Variants in EIF2AK3 observed in about 807,000 individuals in gnomAD.
EIF2AK3 encodes the protein eukaryotic translation initiation factor 2 alpha kinase 3.
Under a neutral mutation model 113.5 loss-of-function variants are expected in EIF2AK3, and 50 were observed. The observed-to-expected ratio is 0.44, with a 90% CI of 0.35 to 0.56. The LOEUF is 0.56. Among genes scored for constraint, EIF2AK3 ranks in the 20% least tolerant of loss-of-function variants. The pLI is 0.00. For missense variants in EIF2AK3, 1,185 were observed against 1,378.0 expected, an observed-to-expected ratio of 0.86 and a Z score of 2.22; for synonymous variants, 448 against 495.4, an observed-to-expected ratio of 0.90 and a Z score of 1.27.
chr2:88,594,815 T>C (rs1192398946), intron 3 of EIF2AK3, among the ~76,000 whole-genome samples: 2 of 137,076 alleles, frequency 1.5e-5, no homozygotes, highest in Non-Finnish European at 3.1e-5. Flanking sequence ...ATAAGGTTCT[T>C]CATCTGTCAA....
intron 2 of EIF2AK3, among the ~76,000 whole-genome samples, chr2:88,608,094 T>C (rs1401992241): frequency 6.6e-6 from 1 of 152,106 alleles, no homozygotes; most frequent in Non-Finnish European, 1.5e-5. Context: ...CAAAAGTACA[T>C]GGGATCCATA....
chr2:88,569,046 A>G (rs1461392997), intron 14 of EIF2AK3, among the ~76,000 whole-genome samples: 1 of 152,156 alleles, frequency 6.6e-6, no homozygotes, highest in African/African-American at 2.4e-5. Flanking sequence ...ATGCGTTACT[A>G]TGCCCAGCTA....
chr2:88,585,995 C>A lies in EIF2AK3; in HGVS notation c.1496G>T (p.Arg499Ile). 2 of 1,614,126 alleles carry A rather than the reference C, an allele frequency of 1.2e-6. No individual in the cohort carries two copies. The highest frequency in any genetic ancestry group is 1.7e-6 in the Non-Finnish European group (2 of 1,179,992). ...RNKRSTQITVRFLDNPHYNKN... is the reference protein window; with the variant it reads ...RNKRSTQITVIFLDNPHYNKN... ...GTTGTAATGTGGGTTGTCGAGGAAT[C>A]TGACTGTAATCTGTGTGCTTCGTTT... The change falls in exon 9 of 17, where the codon AGA becomes ATA. Residue 499 changes from arginine (R) to isoleucine (I), a missense_variant. Arg to Ile is a moderately conservative substitution (Grantham distance 97). Coordinates refer to ENST00000303236, the MANE Select transcript of EIF2AK3 (RefSeq NM_004836.7).
intron 3 of EIF2AK3, among the ~76,000 whole-genome samples, chr2:88,594,573 T>G (rs1558656508): frequency 6.6e-6 from 1 of 152,146 alleles, no homozygotes; most frequent in Non-Finnish European, 1.5e-5. Context: ...ATATTATGAT[T>G]ATATCCTAAG....
At chr2:88,566,282 AC>A (rs1156795557) in intron 14 of EIF2AK3, among the ~76,000 whole-genome samples, 1 of 152,162 alleles carries the variant, frequency 6.6e-6, no homozygotes, top group Non-Finnish European at 1.5e-5. Flanking sequence ...TATAGATTTC[AC>A]TATTTTTCAT....
At chr2:88,610,744 T>C (rs1405153808) in intron 2 of EIF2AK3, among the ~76,000 whole-genome samples, 1 of 150,950 alleles carries the variant, frequency 6.6e-6, no homozygotes, top group East Asian at 1.9e-4. Flanking sequence ...ATTTCTTTAA[T>C]AAAATACATG....
intron 8 of EIF2AK3, among the ~76,000 whole-genome samples, chr2:88,587,390 G>A (rs1020833063): frequency 7.2e-5 from 11 of 151,756 alleles, no homozygotes; most frequent in Admixed American, 3.3e-4. Flanking sequence ...CTGTTTAAAA[G>A]GCTTTCATAT....
chr2:88,605,838 G>A (rs909414632), intron 2 of EIF2AK3, among the ~76,000 whole-genome samples: 5 of 151,986 alleles, frequency 3.3e-5, no homozygotes, highest in African/African-American at 1.2e-4. Flanking sequence ...AAACATTGGG[G>A]AAAGTAAAAG....
chr2:88,562,425 C>T (rs1461624618), intron 14 of EIF2AK3, 35 bp from the exon 15 acceptor site: 1 of 1,538,632 alleles, frequency 6.5e-7, no homozygotes, highest in Non-Finnish European at 9.0e-7. Flanking sequence ...TAAAAATTAA[C>T]ACAGAGACAG....
chr2:88,570,180 G>A (rs1439029682), intron 14 of EIF2AK3, among the ~76,000 whole-genome samples: 1 of 151,990 alleles, frequency 6.6e-6, no homozygotes, highest in South Asian at 2.1e-4. Context: ...AACAAATATC[G>A]ATAGATAAAA....
At chr2:88,615,253 G>A (rs1018798232) in intron 1 of EIF2AK3, among the ~76,000 whole-genome samples, 3 of 152,146 alleles carry the variant, frequency 2.0e-5, no homozygotes, top group Non-Finnish European at 4.4e-5. Flanking sequence ...TCCCCCTTAC[G>A]CATTCGTGAG....
At chr2:88,585,773 T>C in intron 9 of EIF2AK3, 68 bp downstream of exon 9, 1 of 1,492,034 alleles carries the variant, frequency 6.7e-7, no homozygotes, top group South Asian at 1.2e-5. Flanking sequence ...AGCCAGACTG[T>C]GATGGGTTGA....
intron 1 of EIF2AK3, among the ~76,000 whole-genome samples, chr2:88,615,220 C>T (rs1675540950): frequency 6.6e-6 from 1 of 152,254 alleles, no homozygotes; most frequent in Non-Finnish European, 1.5e-5. Context: ...CTACCGCCAA[C>T]ACCTCCACTT....
upstream of EIF2AK3, chr2:88,627,613 AT>A: frequency 3.7e-6 from 1 of 269,048 alleles, no homozygotes; most frequent in East Asian, 6.9e-5. Flanking sequence ...TCAAATCGTA[AT>A]TTCGTCGTTC....
chr2:88,570,116 GTTAT>G (rs897284907), intron 14 of EIF2AK3, among the ~76,000 whole-genome samples: 17 of 151,644 alleles, frequency 1.1e-4, no homozygotes, highest in Admixed American at 8.5e-4. Flanking sequence ...AGGTTTCATT[GTTAT>G]TTAGTTGATT....
chr2:88,590,381 A>G, intron 6 of EIF2AK3, 62 bp downstream of exon 6: 11 of 1,566,030 alleles, frequency 7.0e-6, no homozygotes, highest in Non-Finnish European at 6.1e-6. Flanking sequence ...AGGAAGGAAC[A>G]ATGTAAGAAG....
chr2:88,576,664 G>A lies in EIF2AK3; in HGVS notation c.1926C>T (p.Ala642=). ...TGCCCGGGTGTTCAAGCTTGGCTAAGGCTTTAACTTCTCGCATTACCTTTT... is the reference window on the plus strand; with the variant it reads ...TGCCCGGGTGTTCAAGCTTGGCTAAAGCTTTAACTTCTCGCATTACCTTTT... ...AREKVMREVK[A]LAKLEHPGIV... Residue 642 remains alanine (A), a synonymous_variant, in exon 12 of 17, where the codon GCC becomes GCT. Coordinates refer to ENST00000303236, the MANE Select transcript of EIF2AK3 (RefSeq NM_004836.7). 1 of 1,614,056 alleles carries A rather than the reference G, an allele frequency of 6.2e-7. No individual in the cohort carries two copies. The highest frequency in any genetic ancestry group is 8.5e-7 in the Non-Finnish European group (1 of 1,180,006).
chr2:88,624,027 T>C (rs1422339371), intron 1 of EIF2AK3, among the ~76,000 whole-genome samples: 4 of 152,050 alleles, frequency 2.6e-5, no homozygotes, highest in Non-Finnish European at 4.4e-5. Flanking sequence ...GTTTCGCTCT[T>C]GTTGCCCAGG....
chr2:88,602,194 G>A (rs912601935), intron 2 of EIF2AK3, among the ~76,000 whole-genome samples: 3 of 152,030 alleles, frequency 2.0e-5, no homozygotes, highest in Non-Finnish European at 4.4e-5. Context: ...ATTCGGTTTT[G>A]GAAGCCAGAT....
Sources: allele counts gnomAD v4.1 joint callset (sites outside exome capture counted in the v4.1 genomes callset), GRCh38; gene constraint gnomAD v4.1.1; transcripts MANE v1.5; gene names NCBI Gene and HGNC (gene_info 2026-07-23, HGNC 2026-07-21).